Variants in PTPRT observed in about 807,000 individuals in gnomAD.
PTPRT encodes receptor-type tyrosine-protein phosphatase T.
In PTPRT, 56 loss-of-function variants were observed where a neutral mutation model predicts 176.8. The observed-to-expected ratio is 0.32, with a 90% CI of 0.26 to 0.40. The LOEUF is 0.40. Among genes scored for constraint, PTPRT ranks in the 10% least tolerant of loss-of-function variants. The pLI is 1.00. For synonymous variants in PTPRT, 783 were observed against 739.0 expected, an observed-to-expected ratio of 1.06 and a Z score of -0.96; for missense variants, 1,540 against 1,908.2, an observed-to-expected ratio of 0.81 and a Z score of 3.60.
At chr20:42,306,472 C>T (rs531054664) in intron 12 of PTPRT, among the ~76,000 whole-genome samples, 7 of 152,252 alleles carry the variant, frequency 4.6e-5, no homozygotes, top group African/African-American at 1.4e-4. Context: ...GATGTTTACC[C>T]GATTGAGATT....
intron 11 of PTPRT, among the ~76,000 whole-genome samples, chr20:42,326,966 C>T (rs6102776): frequency 7.3e-6 from 1 of 137,852 alleles, no homozygotes; most frequent in African/African-American, 2.7e-5. Flanking sequence ...AAAAAAAAAA[C>T]AACAAAGGAA....
chr20:42,754,709 C>T (rs967151632), intron 6 of PTPRT, among the ~76,000 whole-genome samples: 1 of 152,002 alleles, frequency 6.6e-6, no homozygotes, highest in East Asian at 1.9e-4. Context: ...AGTTTTTTTT[C>T]ATAAGTGCCT....
chr20:42,931,185 G>A (rs958101224), intron 1 of PTPRT, among the ~76,000 whole-genome samples: 1 of 152,118 alleles, frequency 6.6e-6, no homozygotes, highest in Non-Finnish European at 1.5e-5. Flanking sequence ...CTAACCCCCA[G>A]TGTCACTATA....
At chr20:42,492,379 A>G (rs2071575042) in intron 7 of PTPRT, among the ~76,000 whole-genome samples, 1 of 152,178 alleles carries the variant, frequency 6.6e-6, no homozygotes, top group East Asian at 1.9e-4. Flanking sequence ...TATATGAGCC[A>G]TTCAGATAGG....
the PTPRT span, among the ~76,000 whole-genome samples, chr20:42,058,607 C>T: frequency 1.3e-5 from 2 of 152,196 alleles, no homozygotes; most frequent in African/African-American, 2.4e-5. Flanking sequence ...AACAGAGGCT[C>T]ATTTCCAAAG....
At chr20:42,850,429 G>C (rs934660103) in intron 2 of PTPRT, among the ~76,000 whole-genome samples, 3 of 152,168 alleles carry the variant, frequency 2.0e-5, no homozygotes, top group Non-Finnish European at 4.4e-5. Context: ...AACCTGAAAA[G>C]GCATTTGTTA....
chr20:42,869,923 G>A (rs1254932067), intron 2 of PTPRT, among the ~76,000 whole-genome samples: 1 of 152,120 alleles, frequency 6.6e-6, no homozygotes, highest in African/African-American at 2.4e-5. Context: ...TAAAAGAGCT[G>A]GAGGGAACTA....
At chr20:42,212,437 A>AAG (rs1491063908) in intron 15 of PTPRT, among the ~76,000 whole-genome samples, 5 of 142,144 alleles carry the variant, frequency 3.5e-5, no homozygotes, top group Non-Finnish European at 6.1e-5. Flanking sequence ...AAAAAAAAAA[A>AAG]GAATCAATAG....
intron 9 of PTPRT, among the ~76,000 whole-genome samples, chr20:42,411,517 CAA>C (rs10591184): frequency 7.0e-3 from 615 of 88,216 alleles, no homozygotes; most frequent in Non-Finnish European, 8.2e-3. Context: ...AACCCTGTCT[CAA>C]AAAAAAAAAA....
chr20:43,100,970 A>C (rs910559008), intron 1 of PTPRT, among the ~76,000 whole-genome samples: 2 of 152,176 alleles, frequency 1.3e-5, no homozygotes, highest in African/African-American at 2.4e-5. Flanking sequence ...GCAAAGCAAA[A>C]GTTTCCACCA....
intron 7 of PTPRT, among the ~76,000 whole-genome samples, chr20:42,520,638 G>T (rs1055220177): frequency 6.6e-6 from 1 of 151,876 alleles, no homozygotes; most frequent in Non-Finnish European, 1.5e-5. Context: ...ACTTCATCTT[G>T]TATTTTCTCT....
chr20:42,864,200 T>C (rs775307699), intron 2 of PTPRT, among the ~76,000 whole-genome samples: 25 of 152,198 alleles, frequency 1.6e-4, no homozygotes, highest in Non-Finnish European at 3.2e-4. Context: ...TGAGTCTCAG[T>C]AAGCACACAC....
chr20:42,363,397 G>A (rs1208094915), intron 9 of PTPRT, among the ~76,000 whole-genome samples: 4 of 132,606 alleles, frequency 3.0e-5, no homozygotes, highest in Non-Finnish European at 6.2e-5. Context: ...CGCAACCTCC[G>A]CCTCCCGGGT....
At chr20:42,386,830 A>T (rs1334026558) in intron 9 of PTPRT, among the ~76,000 whole-genome samples, 1 of 152,214 alleles carries the variant, frequency 6.6e-6, no homozygotes, top group Non-Finnish European at 1.5e-5. Context: ...ACTGCATTCC[A>T]GCCTGGGCGA....
chr20:42,915,883 G>A (rs972793699), intron 1 of PTPRT, among the ~76,000 whole-genome samples: 1 of 151,830 alleles, frequency 6.6e-6, no homozygotes, highest in Non-Finnish European at 1.5e-5. Flanking sequence ...TTACAGGCGT[G>A]AGTCACCATG....
At chr20:42,136,464 T>C (rs1988384157) in intron 18 of PTPRT, among the ~76,000 whole-genome samples, 1 of 152,122 alleles carries the variant, frequency 6.6e-6, no homozygotes, top group Admixed American at 6.5e-5. Flanking sequence ...AGAGGCTGGC[T>C]TGGGCATGAT....
At chr20:42,486,777 G>A (rs1003507986) in intron 7 of PTPRT, among the ~76,000 whole-genome samples, 5 of 152,060 alleles carry the variant, frequency 3.3e-5, no homozygotes, top group Admixed American at 1.3e-4. Flanking sequence ...TTGAAGGAGC[G>A]GTAGCCCCTC....
At chr20:42,363,183 T>C (rs2058455485) in intron 9 of PTPRT, among the ~76,000 whole-genome samples, 1 of 144,226 alleles carries the variant, frequency 6.9e-6, no homozygotes, top group African/African-American at 2.5e-5. Flanking sequence ...GTCTCATTGA[T>C]TGGCAAATCT....
chr20:42,542,416 T>G (rs1183054214), intron 7 of PTPRT, among the ~76,000 whole-genome samples: 2 of 152,034 alleles, frequency 1.3e-5, no homozygotes, highest in East Asian at 3.9e-4. Flanking sequence ...TACAAATGAC[T>G]CATAAACATT....
Sources: gnomAD v4.1 joint callset for allele counts (sites outside exome capture counted in the v4.1 genomes callset) on GRCh38, gnomAD v4.1.1 for gene constraint, MANE v1.5 for transcripts, NCBI Gene and HGNC (gene_info 2026-07-23, HGNC 2026-07-21) for gene names.